Variants in CAMK1D observed in about 807,000 individuals in gnomAD.
CAMK1D encodes the protein calcium/calmodulin dependent protein kinase ID.
In CAMK1D, 9 loss-of-function variants were observed where a neutral mutation model predicts 47.7. The ratio of observed to expected loss-of-function variants is 0.19; its 90% CI spans 0.11 to 0.33. The LOEUF (loss-of-function observed/expected upper bound fraction) is 0.33. CAMK1D is among the 10% of genes least tolerant of loss of function. The pLI is 1.00. For synonymous variants in CAMK1D, 184 were observed against 184.9 expected, an observed-to-expected ratio of 0.99 and a Z score of 0.04; for missense variants, 291 against 488.7, an observed-to-expected ratio of 0.60 and a Z score of 3.81.
At chr10:12,821,290 C>G (rs922470035) in intron 8 of CAMK1D, among the ~76,000 whole-genome samples, 1 of 152,182 alleles carries the variant, frequency 6.6e-6, no homozygotes, top group Non-Finnish European at 1.5e-5. Flanking sequence ...AAATACTTTC[C>G]CAGCAATATC....
At position 12,754,649 on chromosome 10, in the gene CAMK1D, G is replaced by T. The variant is rs569667761; in HGVS notation, c.300-6299G>T. ...CATTTATTTTCTCACAGTTCTGGAG[G>T]CTGGAAGTGCAAGATCAGGGTGTCA... On this transcript the variant is annotated intron_variant, in intron 3 of 10. Transcript: ENST00000619168. Among the ~76,000 whole-genome samples, 3 of 152,314 alleles carry T rather than the reference G, an allele frequency of 2.0e-5. No individual in the cohort carries two copies. In the East Asian group the frequency reaches 5.8e-4, roughly 29 times the overall value.
chr10:12,433,466 C>T (rs139883265), intron 1 of CAMK1D, among the ~76,000 whole-genome samples: 1 of 152,010 alleles, frequency 6.6e-6, no homozygotes, highest in Non-Finnish European at 1.5e-5. Flanking sequence ...AGAGTCTTCT[C>T]CCTTAATTTT....
chr10:12,683,658 G>C (rs116193330), intron 3 of CAMK1D, among the ~76,000 whole-genome samples: 1 of 151,278 alleles, frequency 6.6e-6, no homozygotes, highest in African/African-American at 2.4e-5. Context: ...TAGTAATTTC[G>C]CATCCTTAAG....
chr10:12,569,363 C>CT (rs1476998705), intron 2 of CAMK1D, among the ~76,000 whole-genome samples: 6 of 152,146 alleles, frequency 3.9e-5, no homozygotes, highest in African/African-American at 1.4e-4. Flanking sequence ...ATTTCGAACT[C>CT]TGTTTACTCG....
chr10:12,827,311 C>CTTTCT (rs1564593713), intron 10 of CAMK1D, among the ~76,000 whole-genome samples: 18 of 123,634 alleles, frequency 1.5e-4, no homozygotes, highest in Admixed American at 1.8e-4. Context: ...CTCTCTTTTT[C>CTTTCT]TTTTCTTTCT....
intron 1 of CAMK1D, among the ~76,000 whole-genome samples, chr10:12,523,388 G>A (rs1835505074): frequency 1.3e-5 from 2 of 152,198 alleles, no homozygotes; most frequent in African/African-American, 4.8e-5. Context: ...GGAGGCCAAG[G>A]CAGGCGGCTG....
At chr10:12,352,355 A>G (rs1288648503) in intron 1 of CAMK1D, among the ~76,000 whole-genome samples, 1 of 152,192 alleles carries the variant, frequency 6.6e-6, no homozygotes, top group Non-Finnish European at 1.5e-5. Flanking sequence ...CACACCTGTA[A>G]TCCCAACACT....
chr10:12,710,251 C>T (rs2130749924), intron 3 of CAMK1D, among the ~76,000 whole-genome samples: 1 of 152,266 alleles, frequency 6.6e-6, no homozygotes, highest in Non-Finnish European at 1.5e-5. Context: ...TGTAAATGGG[C>T]ACAACAGCTG....
At chr10:12,803,321 C>T (rs964325896) in intron 6 of CAMK1D, among the ~76,000 whole-genome samples, 1 of 152,176 alleles carries the variant, frequency 6.6e-6, no homozygotes, top group Non-Finnish European at 1.5e-5. Flanking sequence ...AGGGGCAAGA[C>T]CTGGGTCTGT....
At chr10:12,818,211 C>T (rs950635662) in intron 8 of CAMK1D, among the ~76,000 whole-genome samples, 15 of 152,294 alleles carry the variant, frequency 9.8e-5, no homozygotes, top group African/African-American at 3.6e-4. Flanking sequence ...GGGACCTGCT[C>T]ACAGACAATG....
chr10:12,764,969 C>G (rs539130167), intron 4 of CAMK1D, among the ~76,000 whole-genome samples: 1 of 152,254 alleles, frequency 6.6e-6, no homozygotes, highest in East Asian at 1.9e-4. Context: ...GTGGCACATG[C>G]CTGTAATCCC....
At chr10:12,363,444 G>A (rs888951103) in intron 1 of CAMK1D, among the ~76,000 whole-genome samples, 2 of 151,192 alleles carry the variant, frequency 1.3e-5, no homozygotes, top group African/African-American at 4.9e-5. Flanking sequence ...TAGTACAGAT[G>A]GGGTTTCACC....
intron 3 of CAMK1D, among the ~76,000 whole-genome samples, chr10:12,752,856 A>G (rs896935688): frequency 4.6e-5 from 7 of 152,218 alleles, no homozygotes; most frequent in African/African-American, 1.7e-4. Context: ...TAACCAAGTC[A>G]TATTCTGAGG....
At chr10:12,580,794 T>G (rs1221185622) in intron 2 of CAMK1D, among the ~76,000 whole-genome samples, 1 of 152,214 alleles carries the variant, frequency 6.6e-6, no homozygotes, top group African/African-American at 2.4e-5. Flanking sequence ...TTGAAAAGTA[T>G]TATTTTACCT....
chr10:12,576,673 C>A (rs1404469130), intron 2 of CAMK1D, among the ~76,000 whole-genome samples: 2 of 152,110 alleles, frequency 1.3e-5, no homozygotes, highest in East Asian at 3.9e-4. Flanking sequence ...GGTTCATGCT[C>A]CTATGAGAAT....
intron 1 of CAMK1D, among the ~76,000 whole-genome samples, chr10:12,502,642 G>A (rs544250543): frequency 2.0e-5 from 3 of 152,286 alleles, no homozygotes; most frequent in East Asian, 3.9e-4. Flanking sequence ...GCTTTAGCCC[G>A]GGCCCTCGGA....
intron 1 of CAMK1D, among the ~76,000 whole-genome samples, chr10:12,518,256 T>C (rs1327929057): frequency 2.0e-5 from 3 of 152,222 alleles, no homozygotes. Flanking sequence ...TTGCTTATTG[T>C]CCATGGCTAC....
At chr10:12,437,173 C>CGTCTGTCT (rs1564339594) in intron 1 of CAMK1D, among the ~76,000 whole-genome samples, 60 of 151,016 alleles carry the variant, frequency 4.0e-4, no homozygotes, top group African/African-American at 1.4e-3. Context: ...TCTATCTGTC[C>CGTCTGTCT]ATCTGTCTGT....
At chr10:12,556,058 C>T (rs1201865516) in intron 2 of CAMK1D, among the ~76,000 whole-genome samples, 2 of 152,138 alleles carry the variant, frequency 1.3e-5, no homozygotes, top group Admixed American at 6.5e-5. Context: ...TACCTGGAAG[C>T]GTGACCCCTC....
Sources: allele counts gnomAD v4.1 joint callset (sites outside exome capture counted in the v4.1 genomes callset), GRCh38; gene constraint gnomAD v4.1.1; transcripts MANE v1.5; gene names NCBI Gene and HGNC (gene_info 2026-07-23, HGNC 2026-07-21).